Variants in TECR observed in about 807,000 individuals in gnomAD.
The protein encoded by TECR is very-long-chain enoyl-CoA reductase.
A neutral mutation model predicts 50.6 loss-of-function variants in TECR; 19 were observed. That is an observed-to-expected ratio of 0.38 (90% CI 0.26 to 0.55). TECR has a LOEUF of 0.55. TECR is among the 20% of genes least tolerant of loss of function. TECR has a pLI of 0.79. For missense variants in TECR, 313 were observed against 408.3 expected (o/e 0.77, Z 2.01); for synonymous variants, 168 against 163.5 (o/e 1.03, Z -0.21).
intron 1 of TECR, among the ~76,000 whole-genome samples, chr19:14,555,530 C>T (rs1720880593): frequency 2.7e-5 from 4 of 150,032 alleles, no homozygotes; most frequent in African/African-American, 9.8e-5. Flanking sequence ...ACCACAACCT[C>T]CATCTCCTGG....
intron 1 of TECR, among the ~76,000 whole-genome samples, chr19:14,555,164 G>A (rs972209308): frequency 6.6e-6 from 1 of 151,712 alleles, no homozygotes; most frequent in African/African-American, 2.4e-5. Context: ...CTGCAGCCTG[G>A]AACTCCTAGG....
intron 1 of TECR, chr19:14,530,294 G>A (rs2072583412): frequency 6.2e-6 from 1 of 160,214 alleles, no homozygotes; most frequent in African/African-American, 2.4e-5. Flanking sequence ...TCACCAAGGA[G>A]AAATCTTATA....
At position 14,565,116 on chromosome 19, in the gene TECR, G is replaced by A; in HGVS notation, c.657G>A (p.Arg219=). 6.2e-7 allele frequency: 1 copy of A among 1,613,786 alleles called. No homozygotes were observed. Among genetic ancestry groups the A allele is most frequent in the Non-Finnish European group, 8.5e-7 (1 of 1,180,036 alleles). Residue 219 remains arginine, a synonymous_variant, in exon 10 of 13, where the codon CGG becomes CGA. Transcript: ENST00000215567. The part of the protein sequence containing the change: ...FSIHMALRDL[R]PAGSKTRKIP... Reference sequence around the variant, plus strand: ...TCCACATGGCCCTGCGGGACCTGCGGCCCGCTGGTGAGTGCCTGCTGGGGG... The same window carrying A: ...TCCACATGGCCCTGCGGGACCTGCGACCCGCTGGTGAGTGCCTGCTGGGGG...
At chr19:14,559,244 C>CGTGCATCATT (rs1178926277) in intron 1 of TECR, among the ~76,000 whole-genome samples, 3 of 152,122 alleles carry the variant, frequency 2.0e-5, no homozygotes, top group African/African-American at 7.2e-5. Context: ...ATTGAGTGCA[C>CGTGCATCATT]GTGCATCATT....
At chr19:14,528,375 G>A (rs1326906001), upstream of TECR, among the ~76,000 whole-genome samples, 4 of 151,822 alleles carry the variant, frequency 2.6e-5, no homozygotes, top group Non-Finnish European at 1.5e-5. Flanking sequence ...GATTAGCTGG[G>A]ACTACAGGTG....
intron 1 of TECR, among the ~76,000 whole-genome samples, chr19:14,559,112 C>T (rs575059034): frequency 5.9e-5 from 9 of 152,090 alleles, no homozygotes; most frequent in African/African-American, 1.2e-4. Context: ...TCCTCCCACC[C>T]GACTGTTTTT....
chr19:14,545,238 C>G (rs1257456466), intron 1 of TECR: 1 of 456,294 alleles, frequency 2.2e-6, no homozygotes, highest in Non-Finnish European at 4.4e-6. Context: ...GCTGCTCCCC[C>G]TAAAATTTAC....
chr19:14,565,549 C>T lies in TECR; in HGVS notation c.754-69C>T, dbSNP rs1023387387. 3.5e-5 allele frequency: 55 copies of T among 1,565,130 alleles called. No homozygotes were observed. In the Admixed American group the frequency reaches 9.8e-4, roughly 28 times the overall value. ...AGCAGGGGCGGCGGGAGGTGGCTGG[C>T]TGAGTCCAGGACAGCCACATACACG... is the stretch of plus-strand genomic sequence containing the variant. On this transcript the variant is annotated intron_variant, in intron 11 of 12. Transcript: ENST00000215567.
chr19:14,535,749 T>G (rs1374622223), intron 1 of TECR, among the ~76,000 whole-genome samples: 1 of 80,882 alleles, frequency 1.2e-5, no homozygotes, highest in Non-Finnish European at 2.5e-5. Flanking sequence ...AGAGTGAGAC[T>G]CTGTCTCAAA....
intron 1 of TECR, among the ~76,000 whole-genome samples, chr19:14,539,880 C>G (rs1036687985): frequency 1.4e-5 from 2 of 142,320 alleles, no homozygotes; most frequent in Non-Finnish European, 3.0e-5. Context: ...TGTTTTCTTT[C>G]TTTTTTTTTT....
intron 1 of TECR, among the ~76,000 whole-genome samples, chr19:14,552,671 A>G (rs2146606049): frequency 6.6e-6 from 1 of 151,824 alleles, no homozygotes; most frequent in Middle Eastern, 3.4e-3. Flanking sequence ...AGTAGCTGGG[A>G]CTACAGGCAC....
chr19:14,562,092 G>C (rs536180190), intron 1 of TECR: 3 of 452,556 alleles, frequency 6.6e-6, no homozygotes, highest in African/African-American at 2.0e-5. Context: ...CTGGCTCCCC[G>C]GGGAGACTCC....
At position 14,560,909 on chromosome 19, in the gene TECR, C is replaced by G. The variant is rs891902739; in HGVS notation, c.16-1616C>G. On this transcript the variant is annotated intron_variant, in intron 1 of 12. Transcript: ENST00000215567. ...TCTGTCAGGGGTCACCTAGTGTACCCCATGCATTGTCTCAGGGGACCGTCA... is the reference window on the plus strand; with the variant it reads ...TCTGTCAGGGGTCACCTAGTGTACCGCATGCATTGTCTCAGGGGACCGTCA... Among the ~76,000 whole-genome samples, 27 of 152,250 alleles carry G rather than the reference C, an allele frequency of 1.8e-4. 1 individual carries two copies. In the South Asian group the frequency reaches 4.3e-3, roughly 25 times the overall value.
Position 14,529,635 on chromosome 19 carries a change from G to A in TECR, c.-62G>A. 2 of 1,613,238 alleles carry A rather than the reference G, an allele frequency of 1.2e-6. No individual in the cohort carries two copies. Among genetic ancestry groups the A allele is most frequent in the African/African-American group, 1.3e-5 (1 of 75,070 alleles). ...CGGTTGCGAGCGCTGTAGGGAGCCT[G>A]TGCTGTGCCGCGCAGTTAGGCAGCA... is the stretch of plus-strand genomic sequence containing the variant. On this transcript the variant is annotated 5_prime_UTR_variant, in exon 1 of 13. It adds an upstream start codon to the 5' untranslated region. Transcript: ENST00000215567.
At chr19:14,564,353 C>T in intron 7 of TECR, 66 bp downstream of exon 7, 1 of 1,298,918 alleles carries the variant, frequency 7.7e-7, no homozygotes, top group Non-Finnish European at 1.1e-6. Context: ...CCGCCCCCAC[C>T]GAGCCCCACC....
rs915028069 is a variant in TECR at position 14,529,625 on chromosome 19, T to C, written c.-72T>C. The C allele has an allele frequency of 1.9e-6, 3 of 1,611,160 alleles. No homozygotes were observed. Among genetic ancestry groups the C allele is most frequent in the Admixed American group, 3.3e-5 (2 of 59,994 alleles). ...TCTATCGCTGCGGTTGCGAGCGCTGTAGGGAGCCTGTGCTGTGCCGCGCAG... is the reference window on the plus strand; with the variant it reads ...TCTATCGCTGCGGTTGCGAGCGCTGCAGGGAGCCTGTGCTGTGCCGCGCAG... On this transcript the variant is annotated 5_prime_UTR_variant, in exon 1 of 13. Transcript: ENST00000215567.
Position 14,529,682 on chromosome 19 carries a change from C to T in TECR, c.-15C>T, listed in dbSNP as rs768982369. The T allele has an allele frequency of 1.9e-6, 3 of 1,613,930 alleles. No homozygotes were observed. The highest frequency in any genetic ancestry group is 2.5e-6 in the Non-Finnish European group (3 of 1,180,042). On this transcript the variant is annotated 5_prime_UTR_variant, in exon 1 of 13. Transcript: ENST00000215567. ...AGCAGCAGCCGCGGAGCAGTAGCCG[C>T]CGTGGGAGGGAGCCATGAAGCATTA...
intron 1 of TECR, among the ~76,000 whole-genome samples, chr19:14,560,230 G>T (rs894223174): frequency 6.6e-6 from 1 of 152,200 alleles, no homozygotes; most frequent in Non-Finnish European, 1.5e-5. Flanking sequence ...GGGGAGCAGG[G>T]TACGATTTCA....
chr19:14,549,027 C>G (rs922457312), intron 1 of TECR, among the ~76,000 whole-genome samples: 1 of 150,972 alleles, frequency 6.6e-6, no homozygotes, highest in Admixed American at 6.6e-5. Flanking sequence ...TTTTTTTTTT[C>G]CATCCGCTTA....
Sources: allele counts gnomAD v4.1 joint callset (sites outside exome capture counted in the v4.1 genomes callset), GRCh38; gene constraint gnomAD v4.1.1; transcripts MANE v1.5; gene names NCBI Gene and HGNC (gene_info 2026-07-23, HGNC 2026-07-21).